Variants in LRRC49 observed in about 807,000 individuals in gnomAD.
LRRC49 encodes the protein leucine-rich repeat-containing protein 49.
LRRC49 carries 50 observed loss-of-function variants against 83.3 expected under a neutral mutation model. The ratio of observed to expected loss-of-function variants is 0.60; its 90% CI spans 0.48 to 0.76. LRRC49 has a LOEUF of 0.76. LRRC49 is among the 30% of genes least tolerant of loss of function. The pLI is 0.00. For synonymous variants in LRRC49, 286 were observed against 283.3 expected (o/e 1.01, Z -0.10); for missense variants, 704 against 809.1 (o/e 0.87, Z 1.58).
chr15:70,965,330 T>G (rs111708557), intron 9 of LRRC49, among the ~76,000 whole-genome samples: 2 of 152,286 alleles, frequency 1.3e-5, no homozygotes, highest in Non-Finnish European at 2.9e-5. Flanking sequence ...CTTTCTTGCC[T>G]GGCACCTACA....
rs546798160 is a variant in LRRC49 at position 71,047,596 on chromosome 15, T to C, written c.1858-1813T>C. ...GCCTTTTGGCAGAGTCTTTAGGATTTTCTAGGTATAGAAATCATATTGTCA... is the reference window on the plus strand; with the variant it reads ...GCCTTTTGGCAGAGTCTTTAGGATTCTCTAGGTATAGAAATCATATTGTCA... On this transcript the variant is annotated intron_variant, in intron 15 of 15. Transcript: ENST00000260382. Among the ~76,000 whole-genome samples the C allele has an allele frequency of 9.2e-5, 14 of 152,346 alleles. No homozygotes were observed. In the South Asian group the frequency reaches 2.3e-3, roughly 25 times the overall value.
intron 8 of LRRC49, among the ~76,000 whole-genome samples, chr15:70,943,403 G>A (rs1380254873): frequency 5.9e-5 from 9 of 152,268 alleles, no homozygotes; most frequent in Admixed American, 3.3e-4. Flanking sequence ...GGAATGAAAG[G>A]GAGTAAATTA....
At chr15:70,885,320 A>G (rs1412925142) in intron 2 of LRRC49, among the ~76,000 whole-genome samples, 2 of 152,228 alleles carry the variant, frequency 1.3e-5, no homozygotes, top group African/African-American at 2.4e-5. Context: ...ATTTGAACAA[A>G]TAACAGCTGA....
At chr15:70,913,923 T>C (rs545473370) in intron 6 of LRRC49, among the ~76,000 whole-genome samples, 1 of 152,234 alleles carries the variant, frequency 6.6e-6, no homozygotes, top group Admixed American at 6.5e-5. Context: ...CCAATCATTA[T>C]GTTGATGAAA....
chr15:70,981,345 A>T (rs1322313907), intron 10 of LRRC49, among the ~76,000 whole-genome samples: 1 of 95,528 alleles, frequency 1.0e-5, no homozygotes, highest in African/African-American at 4.1e-5. Context: ...GGCCTGTTGG[A>T]GGGTGGGGGG....
intron 8 of LRRC49, among the ~76,000 whole-genome samples, chr15:70,960,755 G>A (rs1257570986): frequency 6.6e-6 from 1 of 152,084 alleles, no homozygotes; most frequent in Admixed American, 6.5e-5. Flanking sequence ...TATAGACATG[G>A]GCCTTACACC....
chr15:70,932,163 G>A (rs2035431583), intron 7 of LRRC49, among the ~76,000 whole-genome samples: 1 of 152,066 alleles, frequency 6.6e-6, no homozygotes, highest in African/African-American at 2.4e-5. Context: ...CTGTGTAATG[G>A]GTAGTAAACA....
At chr15:70,948,283 G>A (rs944273796) in intron 8 of LRRC49, among the ~76,000 whole-genome samples, 1 of 151,966 alleles carries the variant, frequency 6.6e-6, no homozygotes, top group South Asian at 2.1e-4. Context: ...TTATGGATAA[G>A]CACACACATA....
chr15:70,887,359 A>C (rs1309721986), intron 2 of LRRC49, among the ~76,000 whole-genome samples: 2 of 152,156 alleles, frequency 1.3e-5, no homozygotes, highest in East Asian at 3.8e-4. Context: ...CAGATACAAA[A>C]ATCCTAAATA....
intron 15 of LRRC49, among the ~76,000 whole-genome samples, chr15:71,043,763 GA>G (rs1291001347): frequency 2.6e-5 from 4 of 152,072 alleles, no homozygotes; most frequent in Non-Finnish European, 5.9e-5. Context: ...AACTATAGCA[GA>G]AAATTTTAAA....
upstream of LRRC49, chr15:70,892,610 C>T (rs1239959618): frequency 3.3e-5 from 48 of 1,457,114 alleles, no homozygotes; most frequent in Non-Finnish European, 4.2e-5. Context: ...TGTGGCCAGC[C>T]TCTTCCCCAG....
intron 11 of LRRC49, among the ~76,000 whole-genome samples, chr15:70,985,630 T>C (rs2037582064): frequency 6.6e-6 from 1 of 152,204 alleles, no homozygotes; most frequent in African/African-American, 2.4e-5. Flanking sequence ...GCTCTTGAGT[T>C]CAATTAGATC....
chr15:70,913,844 A>T (rs542629521), intron 6 of LRRC49, among the ~76,000 whole-genome samples: 7 of 152,228 alleles, frequency 4.6e-5, no homozygotes, highest in Non-Finnish European at 7.4e-5. Flanking sequence ...ACTACCCAAG[A>T]TCTTCAAGAG....
chr15:70,969,637 T>C (rs1282175893), intron 9 of LRRC49, among the ~76,000 whole-genome samples: 1 of 152,212 alleles, frequency 6.6e-6, no homozygotes, highest in African/African-American at 2.4e-5. Context: ...TCCATTTGTT[T>C]ATGTCCTCTC....
At chr15:70,992,954 G>A (rs1163626163) in intron 11 of LRRC49, among the ~76,000 whole-genome samples, 1 of 152,226 alleles carries the variant, frequency 6.6e-6, no homozygotes. Context: ...GCCGCATTTT[G>A]TTCAGCTATG....
chr15:71,025,558 C>T (rs1037367155), intron 14 of LRRC49, among the ~76,000 whole-genome samples: 3 of 152,114 alleles, frequency 2.0e-5, no homozygotes, highest in Non-Finnish European at 4.4e-5. Flanking sequence ...TTAAAAGACA[C>T]AGAATGGCAA....
chr15:71,030,518 A>G (rs1402409569), intron 14 of LRRC49, among the ~76,000 whole-genome samples: 1 of 152,088 alleles, frequency 6.6e-6, no homozygotes, highest in Non-Finnish European at 1.5e-5. Context: ...CTTGAGGAGT[A>G]TCTTAGTGGT....
At chr15:71,041,789 T>C (rs1242953222) in intron 15 of LRRC49, among the ~76,000 whole-genome samples, 1 of 152,006 alleles carries the variant, frequency 6.6e-6, no homozygotes, top group Non-Finnish European at 1.5e-5. Context: ...ATAAACATAA[T>C]TAGCTACAAA....
chr15:71,049,841 A>C lies in LRRC49; in HGVS notation c.*229A>C, dbSNP rs912559825. On this transcript the variant is annotated 3_prime_UTR_variant, in exon 16 of 16. Coordinates refer to ENST00000260382, the MANE Select transcript of LRRC49 (RefSeq NM_017691.5). ...TGTGAGGACCAAACAACCTTTGGGA[A>C]CTAAACAGTTTTCAGAGATGGCGTG... 6 of 441,524 alleles carry C rather than the reference A, an allele frequency of 1.4e-5. No individual in the cohort carries two copies. Among genetic ancestry groups the C allele is most frequent in the Admixed American group, 4.1e-5 (1 of 24,668 alleles). 27.4% of individuals were successfully genotyped at this position (441,524 alleles called of 1,614,324 possible). A position where few individuals can be genotyped will look rare whatever the true frequency, so the allele number is the denominator to read the frequency against.
Sources: gnomAD v4.1 joint callset for allele counts (sites outside exome capture counted in the v4.1 genomes callset) on GRCh38, gnomAD v4.1.1 for gene constraint, MANE v1.5 for transcripts, NCBI Gene and HGNC (gene_info 2026-07-23, HGNC 2026-07-21) for gene names.